SNTB1: variants seen among roughly 807,000 people sequenced by gnomAD.
SNTB1 encodes syntrophin beta 1, also known as beta-1-syntrophin.
In SNTB1, 36 loss-of-function variants were observed where a neutral mutation model predicts 48.9. The ratio of observed to expected loss-of-function variants is 0.74; its 90% CI spans 0.56 to 0.97. The LOEUF (loss-of-function observed/expected upper bound fraction) is 0.97, where lower values mean the gene tolerates loss of function less well. Among genes scored for constraint, SNTB1 ranks in the 50% least tolerant of loss-of-function variants. The pLI, the probability that SNTB1 is intolerant of heterozygous loss-of-function variation, is 0.00. For missense variants in SNTB1, 786 were observed against 703.4 expected (o/e 1.12, Z -1.33); for synonymous variants, 299 against 294.6 (o/e 1.01, Z -0.15).
At chr8:120,707,192 T>G (rs1377204353) in intron 1 of SNTB1, among the ~76,000 whole-genome samples, 1 of 152,194 alleles carries the variant, frequency 6.6e-6, no homozygotes, top group Non-Finnish European at 1.5e-5. Flanking sequence ...ATGCATCTAT[T>G]TTTTTGAGAC....
chr8:120,555,471 C>G (rs572941413), intron 4 of SNTB1, among the ~76,000 whole-genome samples: 1 of 152,256 alleles, frequency 6.6e-6, no homozygotes, highest in South Asian at 2.1e-4. Flanking sequence ...TCTGTGCCAT[C>G]TTGTCTGCTT....
rs1815234704 is a variant in SNTB1, at chr8:120,538,565, G to C, written c.*312C>G. ...GGGATGATTAAGATCTGCACATGCTGTTCTAATGGTCATGTCCTTGGTTGT... is the reference window on the plus strand; with the variant it reads ...GGGATGATTAAGATCTGCACATGCTCTTCTAATGGTCATGTCCTTGGTTGT... On this transcript the variant is annotated 3_prime_UTR_variant, in exon 7 of 7. Coordinates refer to ENST00000517992, the MANE Select transcript of SNTB1 (RefSeq NM_021021.4). 3 of 462,632 alleles carry C rather than the reference G, an allele frequency of 6.5e-6. No homozygotes were observed. The highest frequency in any genetic ancestry group is 8.6e-4 in the Middle Eastern group (2 of 2,326). The allele number at this position is 462,632 out of a possible 1,614,324, so 28.7% of individuals were successfully genotyped here.
chr8:120,731,456 T>C (rs910483256), intron 1 of SNTB1, among the ~76,000 whole-genome samples: 2 of 152,092 alleles, frequency 1.3e-5, no homozygotes, highest in Non-Finnish European at 2.9e-5. Flanking sequence ...ACAGGATCAA[T>C]AGGAACAATA....
At chr8:120,790,865 T>C (rs929609307) in intron 1 of SNTB1, among the ~76,000 whole-genome samples, 1 of 151,860 alleles carries the variant, frequency 6.6e-6, no homozygotes, top group Non-Finnish European at 1.5e-5. Context: ...GTCAACATCA[T>C]TTTTTAAAGA....
At chr8:120,645,849 G>T (rs1817287384) in intron 2 of SNTB1, among the ~76,000 whole-genome samples, 1 of 52,590 alleles carries the variant, frequency 1.9e-5, no homozygotes, top group East Asian at 5.3e-4. Flanking sequence ...TTGAGCAGTG[G>T]TTTGTAGTTC....
At chr8:120,708,741 T>A (rs983084619) in intron 1 of SNTB1, among the ~76,000 whole-genome samples, 1 of 152,198 alleles carries the variant, frequency 6.6e-6, no homozygotes, top group African/African-American at 2.4e-5. Context: ...AAATACATTT[T>A]ATATTTTATA....
chr8:120,635,466 T>C (rs980320981), intron 2 of SNTB1: 1 of 152,368 alleles, frequency 6.6e-6, no homozygotes, highest in African/African-American at 2.4e-5. Flanking sequence ...ATATTTTCTT[T>C]TGAAGGCCTT....
Position 120,811,804 on chromosome 8 carries a change from C to T in SNTB1, c.40G>A (p.Gly14Ser), listed in dbSNP as rs1215006904. The T allele has an allele frequency of 2.9e-6, 4 of 1,370,926 alleles. No homozygotes were observed. The highest frequency in any genetic ancestry group is 3.8e-6 in the Non-Finnish European group (4 of 1,065,936). The allele number at this position is 1,370,926 out of a possible 1,614,324, so 84.9% of individuals were successfully genotyped here. The change falls in exon 1 of 7, where the codon GGC (glycine) becomes AGC (serine). Residue 14 changes from glycine (G) to serine (S), a missense_variant. By Grantham distance (56) the Gly-to-Ser change is moderately conservative. Transcript: ENST00000517992. ...AAAAAAAGPAGAGGGRAQRSG... is the reference protein window; with the variant it reads ...AAAAAAAGPASAGGGRAQRSG... ...CGCTGCGCCCGGCCGCCTCCCGCGC[C>T]AGCCGGCCCAGCCGCCGCCGCCGCC...
At chr8:120,799,831 C>A (rs1213931616) in intron 1 of SNTB1, among the ~76,000 whole-genome samples, 2 of 151,800 alleles carry the variant, frequency 1.3e-5, no homozygotes, top group Non-Finnish European at 2.9e-5. Flanking sequence ...GTAATGAGGC[C>A]CAAACAACAG....
chr8:120,672,841 A>G (rs902933819), intron 2 of SNTB1, among the ~76,000 whole-genome samples: 1 of 152,204 alleles, frequency 6.6e-6, no homozygotes, highest in Non-Finnish European at 1.5e-5. Flanking sequence ...GAGTTTGGTC[A>G]GTTATCACAG....
chr8:120,550,266 G>T (rs1429316803), intron 4 of SNTB1, among the ~76,000 whole-genome samples: 2 of 152,232 alleles, frequency 1.3e-5, no homozygotes, highest in Non-Finnish European at 2.9e-5. Flanking sequence ...GGAAGGCCAG[G>T]CATGGTGCCT....
intron 2 of SNTB1, among the ~76,000 whole-genome samples, chr8:120,652,828 G>A (rs1817430787): frequency 2.0e-5 from 3 of 152,250 alleles, no homozygotes; most frequent in South Asian, 2.1e-4. Flanking sequence ...TGTTGACTCA[G>A]TAAATGGGGG....
intron 3 of SNTB1, among the ~76,000 whole-genome samples, chr8:120,631,560 G>A (rs967898119): frequency 3.9e-5 from 6 of 152,164 alleles, no homozygotes; most frequent in African/African-American, 1.4e-4. Flanking sequence ...CTATTAGAAA[G>A]TGAGTCACTG....
At chr8:120,582,885 C>T (rs1314132556) in intron 3 of SNTB1, among the ~76,000 whole-genome samples, 3 of 152,082 alleles carry the variant, frequency 2.0e-5, no homozygotes, top group South Asian at 2.1e-4. Flanking sequence ...GTGTAACAAA[C>T]CTGTTCATAG....
At chr8:120,616,955 A>T (rs978963143) in intron 3 of SNTB1, among the ~76,000 whole-genome samples, 1 of 152,232 alleles carries the variant, frequency 6.6e-6, no homozygotes, top group South Asian at 2.1e-4. Flanking sequence ...GTGCACAGGC[A>T]TATGCTCACT....
chr8:120,775,228 G>A (rs914715235), intron 1 of SNTB1: 5 of 151,838 alleles, frequency 3.3e-5, no homozygotes, highest in Non-Finnish European at 1.5e-5. Flanking sequence ...TTTCCCTCTC[G>A]CTCTCTTTCT....
chr8:120,789,635 A>G (rs1819989685), intron 1 of SNTB1, among the ~76,000 whole-genome samples: 1 of 152,028 alleles, frequency 6.6e-6, no homozygotes, highest in Non-Finnish European at 1.5e-5. Context: ...AATCTAGAGA[A>G]ATTGGATAAA....
intron 1 of SNTB1, among the ~76,000 whole-genome samples, chr8:120,720,264 T>C (rs1818636443): frequency 6.6e-6 from 1 of 152,250 alleles, no homozygotes; most frequent in African/African-American, 2.4e-5. Flanking sequence ...GCTCCCTCCT[T>C]GGCCCCTGTC....
intron 1 of SNTB1, among the ~76,000 whole-genome samples, chr8:120,786,442 G>A (rs2130141117): frequency 6.6e-6 from 1 of 152,270 alleles, no homozygotes; most frequent in East Asian, 1.9e-4. Context: ...TTAGAGAAGG[G>A]ACTTCTCCCC....
Sources: gnomAD v4.1 joint callset for allele counts (sites outside exome capture counted in the v4.1 genomes callset) on GRCh38, gnomAD v4.1.1 for gene constraint, MANE v1.5 for transcripts, NCBI Gene and HGNC (gene_info 2026-07-23, HGNC 2026-07-21) for gene names.